The following CCDC3 variants were observed in gnomAD, a reference collection of about 807,000 sequenced individuals.
CCDC3 encodes the protein coiled-coil domain containing 3.
CCDC3 carries 24 observed loss-of-function variants against 21.4 expected under a neutral mutation model. The observed-to-expected ratio is 1.12, with a 90% confidence interval of 0.81 to 1.58. CCDC3 has a LOEUF of 1.58. Ranked by LOEUF, CCDC3 falls within the 40% of genes most tolerant of loss-of-function variation. The pLI is 0.00. For missense variants in CCDC3, 425 were observed against 360.9 expected (o/e 1.18, Z -1.44); for synonymous variants, 186 against 166.0 (o/e 1.12, Z -0.93).
intron 4 of CCDC3, among the ~76,000 whole-genome samples, chr10:13,052,727 G>A (rs2131426164): frequency 6.6e-6 from 1 of 152,092 alleles, no homozygotes; most frequent in African/African-American, 2.4e-5. Flanking sequence ...ATCACTTGAA[G>A]CCAGGAGTTC....
intron 5 of CCDC3, among the ~76,000 whole-genome samples, chr10:13,045,645 T>C (rs1023712064): frequency 3.9e-5 from 6 of 151,960 alleles, no homozygotes; most frequent in African/African-American, 1.2e-4. Context: ...AAAATATATA[T>C]ACATAACATA....
chr10:12,933,276 G>C (rs1834679515), intron 2 of CCDC3, among the ~76,000 whole-genome samples: 1 of 152,184 alleles, frequency 6.6e-6, no homozygotes, highest in African/African-American at 2.4e-5. Flanking sequence ...ATCCATCTGG[G>C]CTTGGTGCTT....
chr10:12,998,221 A>G (rs1835791561), intron 2 of CCDC3, 117 bp downstream of exon 2: 1 of 1,127,230 alleles, frequency 8.9e-7, no homozygotes, highest in African/African-American at 1.6e-5. Context: ...GGCATACGCT[A>G]ATACTCTCTG....
chr10:12,934,833 C>G (rs1834710481), intron 2 of CCDC3, among the ~76,000 whole-genome samples: 1 of 152,112 alleles, frequency 6.6e-6, no homozygotes. Context: ...GGGCCTTGCT[C>G]TGTTGCCCAG....
At chr10:13,078,193 G>T (rs929921602) in intron 3 of CCDC3, among the ~76,000 whole-genome samples, 3 of 152,052 alleles carry the variant, frequency 2.0e-5, no homozygotes, top group African/African-American at 7.2e-5. Flanking sequence ...TCAAAAAGTG[G>T]GCAAAGGATA....
At chr10:13,058,787 G>A (rs1836715000) in intron 4 of CCDC3, 1 of 198,708 alleles carries the variant, frequency 5.0e-6, no homozygotes, top group African/African-American at 2.4e-5. Flanking sequence ...AGCAGGACTT[G>A]TTGTTTGGAG....
intron 2 of CCDC3, among the ~76,000 whole-genome samples, chr10:12,937,569 C>A (rs114929540): frequency 2.0e-5 from 3 of 151,890 alleles, no homozygotes; most frequent in African/African-American, 7.3e-5. Context: ...CTCAATTGAT[C>A]CTCCCATCTC....
chr10:13,074,665 T>G (rs1344474867), intron 3 of CCDC3, among the ~76,000 whole-genome samples: 2 of 151,948 alleles, frequency 1.3e-5, no homozygotes, highest in Admixed American at 1.3e-4. Flanking sequence ...CTTCCATCCT[T>G]TACTGTTTAA....
intron 5 of CCDC3, among the ~76,000 whole-genome samples, chr10:13,021,379 C>G (rs187399972): frequency 8.7e-4 from 132 of 152,296 alleles, no homozygotes; most frequent in African/African-American, 2.9e-3. Flanking sequence ...AAAGTCAACT[C>G]TCTCCTTGTT....
Position 12,903,815 on chromosome 10 carries a change from AAC to A in CCDC3, c.550-5138_550-5137del, listed in dbSNP as rs74704776. 1.3e-3 allele frequency among the ~76,000 whole-genome samples: 195 copies of A among 151,994 alleles called. 3 individuals are homozygous for A. The East Asian group carries it at 0.026, about 20-fold the overall frequency. ...CCATACTTCCTTATCTGTCTAAAATAACACTTTTTAAAACCATCAAAGCACAC... is the reference window on the plus strand; with the variant it reads ...CCATACTTCCTTATCTGTCTAAAATAACTTTTTAAAACCATCAAAGCACAC... On this transcript the variant is annotated intron_variant, in intron 2 of 2. Transcript: ENST00000378825.
intron 2 of CCDC3, among the ~76,000 whole-genome samples, chr10:12,911,979 T>C (rs1834277510): frequency 6.6e-6 from 1 of 152,228 alleles, no homozygotes; most frequent in South Asian, 2.1e-4. Context: ...TGGTATATCC[T>C]TTTTTAAGGG....
chr10:12,906,752 T>G (rs1392075729), intron 2 of CCDC3, among the ~76,000 whole-genome samples: 1 of 152,136 alleles, frequency 6.6e-6, no homozygotes, highest in Non-Finnish European at 1.5e-5. Context: ...GCTCTGAAGA[T>G]GAAATCAGAT....
rs1246280821 is a variant in CCDC3 at position 12,897,218 on chromosome 10, A to T, written c.*1198T>A. 6.6e-6 allele frequency: 1 copy of T among 152,278 alleles called. No homozygotes were observed. Among genetic ancestry groups the T allele is most frequent in the Non-Finnish European group, 1.5e-5 (1 of 68,072 alleles). The allele number at this position is 152,278 out of a possible 1,614,324, so 9.4% of individuals were successfully genotyped here. The stretch of plus-strand genomic sequence containing the variant: ...GAAGATAACCCAGAAAAGGCCACCC[A>T]GTTGACTTCTTAATCACACAGCTGG... On this transcript the variant is annotated 3_prime_UTR_variant, in exon 3 of 3. Transcript: ENST00000378825.
chr10:12,974,088 A>G (rs1297327617), intron 2 of CCDC3, among the ~76,000 whole-genome samples: 1 of 152,258 alleles, frequency 6.6e-6, no homozygotes, highest in Non-Finnish European at 1.5e-5. Context: ...CAAAGGTCAC[A>G]GTCTATAGCC....
At chr10:12,936,934 A>G (rs1180582663) in intron 2 of CCDC3, among the ~76,000 whole-genome samples, 1 of 152,206 alleles carries the variant, frequency 6.6e-6, no homozygotes, top group Non-Finnish European at 1.5e-5. Context: ...AACTAACTAA[A>G]GAAATAAAAA....
chr10:12,968,687 T>C (rs945316312), intron 2 of CCDC3, among the ~76,000 whole-genome samples: 12 of 152,186 alleles, frequency 7.9e-5, no homozygotes, highest in Non-Finnish European at 8.8e-5. Flanking sequence ...TTAAGGGATA[T>C]ACAAGATGTA....
At chr10:12,981,488 G>A (rs1365979589) in intron 2 of CCDC3, among the ~76,000 whole-genome samples, 1 of 151,918 alleles carries the variant, frequency 6.6e-6, no homozygotes, top group East Asian at 1.9e-4. Flanking sequence ...GCCCAGCCCA[G>A]GATCCTTTTG....
At chr10:13,072,291 A>T (rs1836893042) in intron 4 of CCDC3, among the ~76,000 whole-genome samples, 1 of 152,158 alleles carries the variant, frequency 6.6e-6, no homozygotes, top group Non-Finnish European at 1.5e-5. Flanking sequence ...GGGAGATCTG[A>T]CTGCTGTTTT....
At chr10:12,988,625 T>G (rs899878276) in intron 2 of CCDC3, among the ~76,000 whole-genome samples, 1 of 152,172 alleles carries the variant, frequency 6.6e-6, no homozygotes, top group Admixed American at 6.5e-5. Flanking sequence ...ATTACAGGCA[T>G]GAGCCACCGC....
Sources: allele counts gnomAD v4.1 joint callset (sites outside exome capture counted in the v4.1 genomes callset), GRCh38; gene constraint gnomAD v4.1.1; transcripts MANE v1.5; gene names NCBI Gene and HGNC (gene_info 2026-07-23, HGNC 2026-07-21).